SMG6: variants seen among roughly 807,000 people sequenced by gnomAD.
The protein encoded by SMG6 is telomerase-binding protein EST1A.
A neutral mutation model predicts 142.2 loss-of-function variants in SMG6; 66 were observed. That is an observed-to-expected ratio of 0.46 (90% CI 0.38 to 0.57). The LOEUF is 0.57. SMG6 is among the 20% of genes least tolerant of loss of function. SMG6 has a pLI of 0.00. For synonymous variants in SMG6, 779 were observed against 702.4 expected (o/e 1.11, Z -1.72); for missense variants, 1,793 against 1,832.0 (o/e 0.98, Z 0.39).
chr17:2,097,228 C>T (rs1041087927), intron 13 of SMG6, among the ~76,000 whole-genome samples: 2 of 151,870 alleles, frequency 1.3e-5, no homozygotes, highest in Admixed American at 1.3e-4. Context: ...AATCACGGCT[C>T]ACTACAGCCT....
At chr17:2,256,782 A>C (rs2074190241) in intron 8 of SMG6, among the ~76,000 whole-genome samples, 1 of 95,550 alleles carries the variant, frequency 1.0e-5, no homozygotes, top group South Asian at 3.8e-4. Flanking sequence ...TTTTAAAAAA[A>C]ATAGATAGAC....
chr17:2,115,817 G>A (rs774080071), intron 13 of SMG6, among the ~76,000 whole-genome samples: 1 of 152,018 alleles, frequency 6.6e-6, no homozygotes, highest in Non-Finnish European at 1.5e-5. Flanking sequence ...TCGAACTCCC[G>A]GGTCCAAGCA....
intron 13 of SMG6, among the ~76,000 whole-genome samples, chr17:2,096,745 C>T (rs939843527): frequency 2.0e-5 from 3 of 148,818 alleles, no homozygotes; most frequent in Admixed American, 6.6e-5. Flanking sequence ...GACTGCTAGA[C>T]ATCCTGGGCA....
intron 9 of SMG6, 64 bp from the exon 10 acceptor site, chr17:2,236,701 T>C: frequency 1.0e-6 from 1 of 957,498 alleles, no homozygotes; most frequent in Non-Finnish European, 1.4e-6. Flanking sequence ...TCACTCTGTC[T>C]CACACACACA....
intron 13 of SMG6, among the ~76,000 whole-genome samples, chr17:2,125,837 C>T (rs1265146694): frequency 6.6e-6 from 1 of 151,160 alleles, no homozygotes; most frequent in African/African-American, 2.4e-5. Context: ...CCTGTAATCC[C>T]AGGTACTTGG....
intron 12 of SMG6, chr17:2,173,143 C>T (rs989460301): frequency 2.4e-6 from 1 of 421,804 alleles, no homozygotes; most frequent in African/African-American, 2.0e-5. Flanking sequence ...AATGCAGGGT[C>T]CTGTCATCTT....
rs1366993447 is a variant in SMG6, at chr17:2,299,591, C to G, written c.1162G>C (p.Gly388Arg). Residue 388 changes from glycine to arginine, a missense_variant, in exon 2 of 19, where the codon GGC becomes CGC. Physicochemically the swap from Gly to Arg is moderately radical, Grantham distance 125. Transcript: ENST00000263073. The surrounding 1 kb of genome is among the most constrained non-coding windows in gnomAD (Gnocchi z 4.3). The part of the protein sequence containing the change: ...PDKGLSSGGK[G>R]SEKQESKNPK... ...TTTTTGGACTCCTGCTTCTCAGAGC[C>G]TTTGCCCCCACTGCTCAAGCCTTTG... 2 of 1,614,194 alleles carry G rather than the reference C, an allele frequency of 1.2e-6. No individual in the cohort carries two copies. Among genetic ancestry groups the G allele is most frequent in the East Asian group, 4.5e-5 (2 of 44,882 alleles).
At chr17:2,289,324 C>T (rs531981515) in intron 6 of SMG6, among the ~76,000 whole-genome samples, 12 of 152,044 alleles carry the variant, frequency 7.9e-5, no homozygotes, top group African/African-American at 1.7e-4. Context: ...GGGAGGCCAA[C>T]GCAAGAGGAT....
intron 13 of SMG6, among the ~76,000 whole-genome samples, chr17:2,157,664 A>G (rs1357611218): frequency 2.6e-5 from 4 of 152,212 alleles, no homozygotes; most frequent in African/African-American, 9.6e-5. Flanking sequence ...TTTGGCTCTC[A>G]TGCTTTCAGC....
chr17:2,283,780 T>A, intron 6 of SMG6, 45 bp from the exon 7 acceptor site: 1 of 1,497,896 alleles, frequency 6.7e-7, no homozygotes, highest in Non-Finnish European at 9.3e-7. Flanking sequence ...ATTCTCGTCC[T>A]AACTCCAGCA....
chr17:2,094,843 G>C (rs2068814005), intron 13 of SMG6: 1 of 152,210 alleles, frequency 6.6e-6, no homozygotes, highest in African/African-American at 2.4e-5. Context: ...GGTCTTCCAT[G>C]GGCAGAGTAA....
intron 10 of SMG6, among the ~76,000 whole-genome samples, chr17:2,214,697 C>T (rs1217959568): frequency 6.6e-6 from 1 of 152,204 alleles, no homozygotes; most frequent in Non-Finnish European, 1.5e-5. Context: ...ATTGTCCATG[C>T]AAAATCCTCC....
chr17:2,276,833 G>C (rs564502692), intron 8 of SMG6, among the ~76,000 whole-genome samples: 1 of 152,206 alleles, frequency 6.6e-6, no homozygotes, highest in South Asian at 2.1e-4. Context: ...CCAGGCTGGA[G>C]TGCAATGGCA....
chr17:2,065,383 G>A (rs575952638), intron 17 of SMG6, 85 bp downstream of exon 17: 1 of 1,384,180 alleles, frequency 7.2e-7, no homozygotes, highest in South Asian at 1.2e-5. Flanking sequence ...TGCCCAGGCT[G>A]ATGGGCCTCC....
At chr17:2,240,482 GAA>G (rs10714389) in intron 9 of SMG6, among the ~76,000 whole-genome samples, 1 of 147,726 alleles carries the variant, frequency 6.8e-6, no homozygotes, top group Non-Finnish European at 1.5e-5. Context: ...GTGGAAATGA[GAA>G]AAAAAAAAAC....
At chr17:2,246,616 A>G (rs2073932838) in intron 8 of SMG6, among the ~76,000 whole-genome samples, 1 of 152,250 alleles carries the variant, frequency 6.6e-6, no homozygotes, top group African/African-American at 2.4e-5. Context: ...CTATACAGCA[A>G]GGTGAGTCAG....
rs1001560548 is a variant in SMG6 at position 2,068,464 on chromosome 17, C to T, written c.3835+314G>A. 6.6e-6 allele frequency among the ~76,000 whole-genome samples: 1 copy of T among 152,228 alleles called. No homozygotes were observed. The highest frequency in any genetic ancestry group is 1.5e-5 in the Non-Finnish European group (1 of 68,036). On this transcript the variant is annotated intron_variant, in intron 16 of 18. Transcript: ENST00000263073. The surrounding 1 kb of genome is among the most constrained non-coding windows in gnomAD (Gnocchi z 6.7). ...GCCAGGGCTGAGTGTTTACCAATAA[C>T]GGGAACCAGCTTTGCTGTTTTACTG...
rs541645108 is a variant in SMG6 at position 2,301,392 on chromosome 17, T to C, written c.89-728A>G. ...TACCAAAATACTGCTCAGACTATCATACTAGAATACTGACACTAACTGCTA... is the reference window on the plus strand; with the variant it reads ...TACCAAAATACTGCTCAGACTATCACACTAGAATACTGACACTAACTGCTA... On this transcript the variant is annotated intron_variant, in intron 1 of 18. Transcript: ENST00000263073. Among the ~76,000 whole-genome samples the C allele has an allele frequency of 1.1e-4, 16 of 152,266 alleles. No homozygotes were observed. In the South Asian group the frequency reaches 2.7e-3, roughly 26 times the overall value.
intron 12 of SMG6, among the ~76,000 whole-genome samples, chr17:2,185,664 C>T (rs779726992): frequency 1.3e-5 from 2 of 151,654 alleles, no homozygotes; most frequent in Admixed American, 6.6e-5. Flanking sequence ...AGACAGGGGG[C>T]GAGGGCAGGC....
Sources: gnomAD v4.1 joint callset for allele counts (sites outside exome capture counted in the v4.1 genomes callset) on GRCh38, gnomAD v4.1.1 for gene constraint, Gnocchi (gnomAD v3.1) non-coding constraint, MANE v1.5 for transcripts, NCBI Gene and HGNC (gene_info 2026-07-23, HGNC 2026-07-21) for gene names.